Variants in CPED1 observed in about 807,000 individuals in gnomAD.
CPED1 encodes the protein cadherin like and PC-esterase domain containing 1, also known as cadherin-like and PC-esterase domain-containing protein 1.
In CPED1, 114 loss-of-function variants were observed where a neutral mutation model predicts 128.2. The ratio of observed to expected loss-of-function variants is 0.89; its 90% CI spans 0.76 to 1.04. CPED1 has a LOEUF of 1.04. Among genes scored for constraint, CPED1 ranks in the 50% least tolerant of loss-of-function variants. The pLI is 0.00. For synonymous variants in CPED1, 462 were observed against 426.7 expected, an observed-to-expected ratio of 1.08 and a Z score of -1.02; for missense variants, 1,211 against 1,207.1, an observed-to-expected ratio of 1.00 and a Z score of -0.05.
intron 16 of CPED1, chr7:121,195,075 A>G (rs1797240703): frequency 6.6e-6 from 1 of 152,172 alleles, no homozygotes; most frequent in South Asian, 2.1e-4. Flanking sequence ...TTTCAATATT[A>G]TGATTTTCTT....
chr7:121,052,614 C>T (rs1238323834), intron 4 of CPED1, among the ~76,000 whole-genome samples: 1 of 152,072 alleles, frequency 6.6e-6, no homozygotes, highest in African/African-American at 2.4e-5. Context: ...GCAGATCAGC[C>T]AGTGATGACA....
intron 18 of CPED1, among the ~76,000 whole-genome samples, chr7:121,254,566 G>T (rs1272237711): frequency 6.6e-6 from 1 of 151,812 alleles, no homozygotes; most frequent in African/African-American, 2.4e-5. Context: ...TGTTAGAGAA[G>T]AACTGAACAA....
intron 16 of CPED1, among the ~76,000 whole-genome samples, chr7:121,143,785 A>G (rs10275938): frequency 0.43 from 65,210 of 151,724 alleles, 15,509 homozygotes; most frequent in East Asian, 0.84. Flanking sequence ...AATATGTATA[A>G]ATGATTCAGC....
At chr7:121,145,867 A>C (rs1796013493) in intron 16 of CPED1, among the ~76,000 whole-genome samples, 1 of 151,948 alleles carries the variant, frequency 6.6e-6, no homozygotes, top group South Asian at 2.1e-4. Context: ...ACTGTTGCAG[A>C]TTAAATGGCA....
chr7:121,038,582 A>G (rs2116880322), intron 3 of CPED1, among the ~76,000 whole-genome samples: 1 of 152,186 alleles, frequency 6.6e-6, no homozygotes, highest in Non-Finnish European at 1.5e-5. Flanking sequence ...TGGAGAATTC[A>G]TTTATTCAGA....
rs1554452038 is a variant in CPED1, at chr7:121,236,695, A to G, written c.2056-19A>G. ...CAAGTTAATTAATACAACAACTAAT[A>G]TCTATTATTTTAATGCAGGATTGTG... On this transcript the variant is annotated intron_variant, in intron 16 of 22. Transcript: ENST00000310396. The G allele has an allele frequency of 1.9e-5, 27 of 1,414,926 alleles. 1 individual carries two copies. In the South Asian group the frequency reaches 3.5e-4, roughly 18 times the overall value. 87.6% of individuals were successfully genotyped at this position (1,414,926 alleles called of 1,614,324 possible). A position where few individuals can be genotyped will look rare whatever the true frequency, so the allele number is the denominator to read the frequency against.
chr7:121,289,240 A>T (rs1792643093), intron 22 of CPED1, among the ~76,000 whole-genome samples: 4 of 152,214 alleles, frequency 2.6e-5, no homozygotes, highest in Admixed American at 2.6e-4. Flanking sequence ...TAGCTACAGG[A>T]AAACATTTCT....
Position 121,064,312 on chromosome 7 carries a change from A to G in CPED1, c.615A>G (p.Pro205=), listed in dbSNP as rs767168931. The G allele has an allele frequency of 6.2e-7, 1 of 1,608,196 alleles. No homozygotes were observed. Residue 205 remains proline, a splice_region_variant and synonymous_variant, in exon 5 of 23, where the codon CCA becomes CCG. Transcript: ENST00000310396. The part of the protein sequence containing the change: ...EGLCQIVRRF[P]ELQLPVSPSV... ...TATGTCAAATAGTTAGAAGATTCCCAGGTAATCTTTCGTTTGCTTCCTTAG... is the reference window on the plus strand; with the variant it reads ...TATGTCAAATAGTTAGAAGATTCCCGGGTAATCTTTCGTTTGCTTCCTTAG...
intron 19 of CPED1, 80 bp downstream of exon 19, chr7:121,266,527 C>T: frequency 7.9e-7 from 1 of 1,268,678 alleles, no homozygotes; most frequent in Non-Finnish European, 1.1e-6. Context: ...CTCAACTACT[C>T]ACTGTACATC....
chr7:121,047,701 T>TCCTCC (rs1793244556), intron 4 of CPED1, among the ~76,000 whole-genome samples: 1 of 37,742 alleles, frequency 2.6e-5, no homozygotes, highest in African/African-American at 8.8e-5. Context: ...CTTCTTCTTC[T>TCCTCC]TCTTCTTCTT....
chr7:121,082,539 G>A (rs1194650076), intron 5 of CPED1, among the ~76,000 whole-genome samples: 2 of 152,150 alleles, frequency 1.3e-5, no homozygotes, highest in African/African-American at 4.8e-5. Context: ...TTATTTTATA[G>A]ATAGATTACC....
At chr7:121,204,383 C>T (rs939149048) in intron 16 of CPED1, among the ~76,000 whole-genome samples, 9 of 152,038 alleles carry the variant, frequency 5.9e-5, no homozygotes, top group Non-Finnish European at 8.8e-5. Context: ...TTGGAAAGGC[C>T]CAGCCTCACT....
At chr7:121,277,101 G>A (rs1792345408) in intron 22 of CPED1, among the ~76,000 whole-genome samples, 2 of 152,060 alleles carry the variant, frequency 1.3e-5, no homozygotes, top group Non-Finnish European at 2.9e-5. Flanking sequence ...TAAGAGAGAA[G>A]TGGACAAAAG....
chr7:121,110,175 A>C (rs1161830394), intron 7 of CPED1, among the ~76,000 whole-genome samples: 1 of 152,156 alleles, frequency 6.6e-6, no homozygotes, highest in African/African-American at 2.4e-5. Flanking sequence ...TGGTTTTCCT[A>C]TGAGTTAAAT....
intron 7 of CPED1, among the ~76,000 whole-genome samples, chr7:121,102,462 G>A (rs1177321448): frequency 6.6e-6 from 1 of 152,082 alleles, no homozygotes; most frequent in African/African-American, 2.4e-5. Context: ...ACTTCCCTTT[G>A]TAGCCAGGTA....
At chr7:121,111,549 T>C (rs1040623203) in intron 7 of CPED1, among the ~76,000 whole-genome samples, 2 of 152,150 alleles carry the variant, frequency 1.3e-5, no homozygotes, top group Admixed American at 1.3e-4. Flanking sequence ...TGTGATGTAT[T>C]CAGATAAGAA....
chr7:121,092,692 G>T (rs1041131735), intron 5 of CPED1, among the ~76,000 whole-genome samples: 1 of 152,080 alleles, frequency 6.6e-6, no homozygotes, highest in Non-Finnish European at 1.5e-5. Flanking sequence ...TAGTAGTTAG[G>T]GGGTAGGAGC....
chr7:121,029,313 C>T (rs956442631), intron 3 of CPED1, among the ~76,000 whole-genome samples: 1 of 152,148 alleles, frequency 6.6e-6, no homozygotes, highest in East Asian at 1.9e-4. Context: ...AGTCATTTCT[C>T]ATCAGCTGCA....
chr7:121,295,928 C>A lies in CPED1; in HGVS notation c.*276C>A. The A allele has an allele frequency of 3.3e-6, 1 of 307,464 alleles. No homozygotes were observed. Among genetic ancestry groups the A allele is most frequent in the South Asian group, 5.7e-5 (1 of 17,608 alleles). 19.0% of individuals were successfully genotyped at this position (307,464 alleles called of 1,614,324 possible). A position where few individuals can be genotyped will look rare whatever the true frequency, so the allele number is the denominator to read the frequency against. On this transcript the variant is annotated 3_prime_UTR_variant, in exon 23 of 23. Coordinates refer to ENST00000310396, the MANE Select transcript of CPED1 (RefSeq NM_024913.5). ...CTTGAAGCATAATTATTAACCAGAA[C>A]CACTGTGGGCCAGGTATGGCATTGT... is the stretch of plus-strand genomic sequence containing the variant.
Sources: gnomAD v4.1 joint callset for allele counts (sites outside exome capture counted in the v4.1 genomes callset) on GRCh38, gnomAD v4.1.1 for gene constraint, MANE v1.5 for transcripts, NCBI Gene and HGNC (gene_info 2026-07-23, HGNC 2026-07-21) for gene names.